Variants in CADM2 observed in about 807,000 individuals in gnomAD.
CADM2 encodes the protein immunoglobulin superfamily member 4D.
A neutral mutation model predicts 49.8 loss-of-function variants in CADM2; 12 were observed. That is an observed-to-expected ratio of 0.24 (90% confidence interval 0.15 to 0.39). The LOEUF (loss-of-function observed/expected upper bound fraction) is 0.39. Ranked by LOEUF, CADM2 falls within the 10% of genes least tolerant of loss-of-function variation. The pLI is 1.00. For synonymous variants in CADM2, 214 were observed against 175.4 expected, an observed-to-expected ratio of 1.22 and a Z score of -1.74; for missense variants, 378 against 492.3, an observed-to-expected ratio of 0.77 and a Z score of 2.20.
At chr3:85,115,962 A>C (rs780472815) in intron 1 of CADM2, among the ~76,000 whole-genome samples, 3 of 152,230 alleles carry the variant, frequency 2.0e-5, no homozygotes, top group Admixed American at 6.5e-5. Flanking sequence ...TAACATCAGT[A>C]ACACATTCAT....
intron 1 of CADM2, among the ~76,000 whole-genome samples, chr3:85,413,138 C>CAAAAAAAAAAAAAAAAAAAA (rs397973777): frequency 2.9e-4 from 5 of 17,112 alleles, no homozygotes; most frequent in African/African-American, 8.3e-4. Context: ...GACTCCGTCT[C>CAAAAAAAAAAAAAAAAAAAA]AAAAAAAAAA....
At chr3:85,174,292 G>A (rs1257938569) in intron 1 of CADM2, among the ~76,000 whole-genome samples, 2 of 152,060 alleles carry the variant, frequency 1.3e-5, no homozygotes, top group African/African-American at 2.4e-5. Context: ...GTAAGAAAGC[G>A]AAAAGCACAT....
At chr3:84,986,940 T>C (rs1207912662) in intron 1 of CADM2, among the ~76,000 whole-genome samples, 1 of 151,482 alleles carries the variant, frequency 6.6e-6, no homozygotes, top group Non-Finnish European at 1.5e-5. Flanking sequence ...TAATCCCAGC[T>C]ACTCGAGAGG....
At chr3:84,960,184 G>C (rs2030334491) in intron 1 of CADM2, 1 of 158,948 alleles carries the variant, frequency 6.3e-6, no homozygotes, top group South Asian at 1.9e-4. Context: ...GAGCTACCAA[G>C]ACGGGCGAGA....
chr3:85,733,016 G>A (rs1035572908), intron 2 of CADM2, among the ~76,000 whole-genome samples: 1 of 152,154 alleles, frequency 6.6e-6, no homozygotes, highest in African/African-American at 2.4e-5. Context: ...GGATAATATA[G>A]CCTGATGAGT....
intron 2 of CADM2, among the ~76,000 whole-genome samples, chr3:85,784,052 G>A (rs575468406): frequency 3.3e-5 from 5 of 152,034 alleles, no homozygotes; most frequent in Non-Finnish European, 5.9e-5. Context: ...ACACACATGC[G>A]TGCATGCACG....
At chr3:86,012,448 G>A (rs1317334637) in intron 8 of CADM2, 3 of 496,086 alleles carry the variant, frequency 6.0e-6, no homozygotes, top group Admixed American at 9.3e-5. Flanking sequence ...TCGCCCGCGC[G>A]CCGGCCCTGC....
intron 1 of CADM2, among the ~76,000 whole-genome samples, chr3:85,676,530 A>G (rs920061242): frequency 3.3e-5 from 5 of 152,204 alleles, no homozygotes; most frequent in African/African-American, 1.2e-4. Flanking sequence ...CATAGGACAG[A>G]CTGGTGAGAT....
At chr3:85,774,867 A>G (rs1233241387) in intron 2 of CADM2, among the ~76,000 whole-genome samples, 2 of 151,760 alleles carry the variant, frequency 1.3e-5, no homozygotes, top group Non-Finnish European at 3.0e-5. Flanking sequence ...TTCAACACCG[A>G]TAGAACCACT....
At chr3:85,145,879 A>G (rs2039723927) in intron 1 of CADM2, among the ~76,000 whole-genome samples, 1 of 152,138 alleles carries the variant, frequency 6.6e-6, no homozygotes, top group African/African-American at 2.4e-5. Context: ...ATTAAGTTTG[A>G]TGTTAACACG....
intron 1 of CADM2, among the ~76,000 whole-genome samples, chr3:85,442,317 A>G (rs1465544514): frequency 6.6e-6 from 1 of 151,922 alleles, no homozygotes; most frequent in Non-Finnish European, 1.5e-5. Context: ...CCTTCACACA[A>G]TGAACTTTAA....
intron 1 of CADM2, among the ~76,000 whole-genome samples, chr3:85,039,641 A>T (rs1027525378): frequency 6.6e-6 from 1 of 152,158 alleles, no homozygotes; most frequent in Non-Finnish European, 1.5e-5. Flanking sequence ...TTTTAGTCCC[A>T]TGTATACTAT....
chr3:85,726,766 C>T (rs1258806176), intron 2 of CADM2, among the ~76,000 whole-genome samples: 2 of 152,018 alleles, frequency 1.3e-5, no homozygotes, highest in African/African-American at 4.8e-5. Flanking sequence ...TTTCTTGTTT[C>T]ACTTCTCACT....
chr3:85,510,414 T>C (rs1249430832), intron 1 of CADM2, among the ~76,000 whole-genome samples: 1 of 152,074 alleles, frequency 6.6e-6, no homozygotes, highest in Non-Finnish European at 1.5e-5. Context: ...ACAGACATTA[T>C]GTAAAATGAA....
At chr3:85,316,851 G>T (rs927425363) in intron 1 of CADM2, among the ~76,000 whole-genome samples, 8 of 152,080 alleles carry the variant, frequency 5.3e-5, no homozygotes, top group Non-Finnish European at 1.0e-4. Context: ...TCAAAAGAAA[G>T]TAAGAGAAAC....
intron 1 of CADM2, among the ~76,000 whole-genome samples, chr3:85,153,430 G>T (rs2039997802): frequency 6.6e-6 from 1 of 152,190 alleles, no homozygotes; most frequent in African/African-American, 2.4e-5. Flanking sequence ...GGCTCAGAGG[G>T]TCCCATGCCA....
intron 1 of CADM2, among the ~76,000 whole-genome samples, chr3:85,453,263 G>A (rs1209879964): frequency 6.6e-6 from 1 of 151,786 alleles, no homozygotes; most frequent in African/African-American, 2.4e-5. Context: ...TAAATGCATA[G>A]TATAATAAAG....
At chr3:85,911,222 T>G (rs1340703856) in intron 5 of CADM2, among the ~76,000 whole-genome samples, 1 of 152,166 alleles carries the variant, frequency 6.6e-6, no homozygotes, top group Non-Finnish European at 1.5e-5. Flanking sequence ...TAATGATAAC[T>G]TAACCTTATC....
intron 8 of CADM2, among the ~76,000 whole-genome samples, chr3:86,058,940 C>A (rs574102407): frequency 1.5e-4 from 23 of 151,474 alleles, no homozygotes; most frequent in South Asian, 4.2e-4. Flanking sequence ...CTAAAAATAC[C>A]AAAATTAGCC....
Sources: allele counts gnomAD v4.1 joint callset (sites outside exome capture counted in the v4.1 genomes callset), GRCh38; gene constraint gnomAD v4.1.1; transcripts MANE v1.5; gene names NCBI Gene and HGNC (gene_info 2026-07-23, HGNC 2026-07-21).